Variants in LRP1B observed in about 807,000 individuals in gnomAD.
LRP1B encodes LDL receptor related protein 1B.
In LRP1B, 217 loss-of-function variants were observed where a neutral mutation model predicts 556.6. The ratio of observed to expected loss-of-function variants is 0.39; its 90% CI spans 0.35 to 0.44. The LOEUF is 0.44. Ranked by LOEUF, LRP1B falls within the 20% of genes least tolerant of loss-of-function variation. The probability of loss-of-function intolerance (pLI) is 1.00; values close to 1 mark genes in which losing one functional copy is unlikely to be tolerated. For synonymous variants in LRP1B, 2,047 were observed against 1,865.8 expected, an observed-to-expected ratio of 1.10 and a Z score of -2.50; for missense variants, 5,053 against 5,620.8, an observed-to-expected ratio of 0.90 and a Z score of 3.23.
At chr2:140,694,053 A>T (rs1686339260) in intron 41 of LRP1B, among the ~76,000 whole-genome samples, 2 of 152,116 alleles carry the variant, frequency 1.3e-5, no homozygotes, top group African/African-American at 4.8e-5. Context: ...ACACCATTTG[A>T]ATTTATATTA....
chr2:141,372,420 C>T (rs1689260217), intron 3 of LRP1B, among the ~76,000 whole-genome samples: 1 of 152,020 alleles, frequency 6.6e-6, no homozygotes, highest in Non-Finnish European at 1.5e-5. Flanking sequence ...GGAGAACTCC[C>T]TCCTTAATTT....
chr2:141,502,437 T>G (rs900381072), intron 2 of LRP1B, among the ~76,000 whole-genome samples: 2 of 152,182 alleles, frequency 1.3e-5, no homozygotes, highest in African/African-American at 4.8e-5. Flanking sequence ...TCCAGCATAC[T>G]TGAGACCTAA....
chr2:141,527,849 T>C (rs1016510068), intron 2 of LRP1B, among the ~76,000 whole-genome samples: 1 of 152,140 alleles, frequency 6.6e-6, no homozygotes, highest in African/African-American at 2.4e-5. Flanking sequence ...GAGTATGTTG[T>C]TGAATAACAG....
chr2:140,936,339 CAAAAAAA>C lies in LRP1B; in HGVS notation c.3137-13199_3137-13193del, dbSNP rs59717868. Among the ~76,000 whole-genome samples, 11 of 86,822 alleles carry C rather than the reference CAAAAAAA, an allele frequency of 1.3e-4. No homozygotes were observed. The South Asian group carries it at 2.2e-3, about 18-fold the overall frequency. The allele number at this position is 86,822 out of a possible 152,430, so 57.0% of individuals were successfully genotyped here. The stretch of plus-strand genomic sequence containing the variant: ...TGGTTGACAGAGGGAGACTCCGTCT[CAAAAAAA>C]AAAAAAAAAAAAAAAAGAAAGGAAA... On this transcript the variant is annotated intron_variant, in intron 20 of 90. Coordinates refer to ENST00000389484, the MANE Select transcript of LRP1B (RefSeq NM_018557.3).
intron 3 of LRP1B, among the ~76,000 whole-genome samples, chr2:141,411,334 G>T (rs1171396539): frequency 1.3e-5 from 2 of 152,066 alleles, no homozygotes; most frequent in African/African-American, 4.8e-5. Flanking sequence ...TTGATGTCAG[G>T]TGTAAATACC....
intron 3 of LRP1B, among the ~76,000 whole-genome samples, chr2:141,411,796 C>T (rs528808417): frequency 3.5e-3 from 534 of 151,944 alleles, no homozygotes; most frequent in Non-Finnish European, 6.2e-3. Context: ...AAATATTATT[C>T]TAAATATGTC....
chr2:140,572,288 T>C (rs567782464), intron 43 of LRP1B, among the ~76,000 whole-genome samples: 11 of 150,806 alleles, frequency 7.3e-5, no homozygotes, highest in African/African-American at 2.7e-4. Flanking sequence ...CCTAAAAAGC[T>C]CAACAGAAAA....
At chr2:142,026,009 A>C (rs1205682096) in intron 1 of LRP1B, among the ~76,000 whole-genome samples, 1 of 152,122 alleles carries the variant, frequency 6.6e-6, no homozygotes, top group African/African-American at 2.4e-5. Flanking sequence ...TGGTAAGAAG[A>C]GCCAAAGAGA....
intron 1 of LRP1B, among the ~76,000 whole-genome samples, chr2:141,885,018 G>A (rs937779219): frequency 6.6e-6 from 1 of 152,134 alleles, no homozygotes; most frequent in Admixed American, 6.5e-5. Context: ...ATCAATTCAG[G>A]TTGATGTGAA....
chr2:141,702,184 TG>T (rs1410822229), intron 2 of LRP1B, among the ~76,000 whole-genome samples: 3 of 151,854 alleles, frequency 2.0e-5, no homozygotes, highest in Non-Finnish European at 4.4e-5. Flanking sequence ...GGAATGACCA[TG>T]GTTAGATCAA....
chr2:140,784,859 G>C (rs1207751157), intron 32 of LRP1B, among the ~76,000 whole-genome samples: 1 of 151,644 alleles, frequency 6.6e-6, no homozygotes, highest in Middle Eastern at 3.2e-3. Flanking sequence ...GAAAATGAAA[G>C]TTCACCCTCT....
At chr2:140,840,146 A>G in intron 30 of LRP1B, 61 bp from the exon 31 acceptor site, 1 of 909,322 alleles carries the variant, frequency 1.1e-6, no homozygotes, top group Non-Finnish European at 1.7e-6. Context: ...CTGAGAAGAA[A>G]TATACACTAA....
chr2:140,435,425 A>T (rs1686131270), intron 66 of LRP1B, among the ~76,000 whole-genome samples: 5 of 152,214 alleles, frequency 3.3e-5, no homozygotes, highest in Admixed American at 2.6e-4. Flanking sequence ...TCCTGACTCA[A>T]TTCCTTTTAA....
intron 2 of LRP1B, among the ~76,000 whole-genome samples, chr2:141,768,442 G>A (rs1694796760): frequency 6.6e-6 from 1 of 152,030 alleles, no homozygotes; most frequent in African/African-American, 2.4e-5. Flanking sequence ...GGCATTTCCA[G>A]TATAAGTTTT....
intron 43 of LRP1B, among the ~76,000 whole-genome samples, chr2:140,571,437 G>C (rs1574091524): frequency 6.6e-6 from 1 of 151,516 alleles, no homozygotes; most frequent in East Asian, 1.9e-4. Context: ...ACAATGCCTA[G>C]GAATAAATTT....
At chr2:140,307,332 GAAGTTTTA>G (rs1684111541) in intron 83 of LRP1B, among the ~76,000 whole-genome samples, 3 of 151,744 alleles carry the variant, frequency 2.0e-5, no homozygotes, top group Admixed American at 6.6e-5. Flanking sequence ...ACAGTAACTG[GAAGTTTTA>G]CTATTAGTAG....
At chr2:140,974,850 A>G (rs1373549704) in intron 18 of LRP1B, among the ~76,000 whole-genome samples, 1 of 152,212 alleles carries the variant, frequency 6.6e-6, no homozygotes, top group Non-Finnish European at 1.5e-5. Flanking sequence ...CAACCTGTGG[A>G]GAGATCCCCA....
Position 141,806,519 on chromosome 2 carries a change from G to A in LRP1B, c.205+3760C>T, listed in dbSNP as rs374370295. Among the ~76,000 whole-genome samples the A allele has an allele frequency of 1.0e-3, 152 of 151,978 alleles. 1 individual carries two copies. Among genetic ancestry groups the A allele is most frequent in the African/African-American group, 3.6e-3 (149 of 41,454 alleles). On this transcript the variant is annotated intron_variant, in intron 2 of 90. Transcript: ENST00000389484. ...TATAAATTATTAAAATTTTCCAATT[G>A]TGTATTTTAGATAATTCTTCCCAAC...
At position 140,297,968 on chromosome 2, in the gene LRP1B, C is replaced by T. The variant is rs371067549; in HGVS notation, c.12807G>A (p.Gly4269=). The T allele has an allele frequency of 6.3e-7, 1 of 1,592,026 alleles. No homozygotes were observed. ...CCAGTGCACAGCTGCAGGTGGGTCT[C>T]CCTATTGGAAACAATAAGTAATAAA... The part of the protein sequence containing the change: ...NGGTCVPSVL[G]RPTCSCALGF... The change falls in exon 84 of 91, where the codon GGG becomes GGA. Residue 4269 remains glycine, a splice_region_variant and synonymous_variant. Transcript: ENST00000389484.
Sources: allele counts gnomAD v4.1 joint callset (sites outside exome capture counted in the v4.1 genomes callset), GRCh38; gene constraint gnomAD v4.1.1; transcripts MANE v1.5; gene names NCBI Gene and HGNC (gene_info 2026-07-23, HGNC 2026-07-21).